The following SPOCK1 variants were observed in gnomAD, a reference collection of about 807,000 sequenced individuals.
SPOCK1 encodes the protein testican-1.
SPOCK1 carries 23 observed loss-of-function variants against 55.3 expected under a neutral mutation model. The ratio of observed to expected loss-of-function variants is 0.42; its 90% CI spans 0.30 to 0.59. SPOCK1 has a LOEUF of 0.59. Ranked by LOEUF, SPOCK1 falls within the 20% of genes least tolerant of loss-of-function variation. The pLI is 0.22. For synonymous variants in SPOCK1, 226 were observed against 221.0 expected (o/e 1.02, Z -0.20); for missense variants, 499 against 552.5 (o/e 0.90, Z 0.97).
Position 137,094,313 on chromosome 5 carries a change from C to G in SPOCK1, c.474+18122G>C, listed in dbSNP as rs138142726. ...ACTCAAAAGCTACTCTACATATGCA[C>G]CATGCTATTCCTATTCACCACTATT... On this transcript the variant is annotated intron_variant, in intron 5 of 10. Transcript: ENST00000394945. Among the ~76,000 whole-genome samples the G allele has an allele frequency of 7.6e-3, 1,159 of 152,256 alleles. 10 individuals carry two copies. Among genetic ancestry groups the G allele is most frequent in the Middle Eastern group, 0.034 (10 of 294 alleles).
At chr5:137,471,141 G>A (rs1424695731) in intron 2 of SPOCK1, among the ~76,000 whole-genome samples, 1 of 152,174 alleles carries the variant, frequency 6.6e-6, no homozygotes, top group Non-Finnish European at 1.5e-5. Flanking sequence ...ACTTAGCTCT[G>A]TCCAACTCTC....
chr5:137,436,469 T>A (rs930247514), intron 2 of SPOCK1, among the ~76,000 whole-genome samples: 1 of 152,188 alleles, frequency 6.6e-6, no homozygotes, highest in South Asian at 2.1e-4. Flanking sequence ...CTTACTGGCA[T>A]GTTCCTGCAA....
intron 3 of SPOCK1, among the ~76,000 whole-genome samples, chr5:137,168,589 C>T (rs1456299755): frequency 6.6e-6 from 1 of 152,022 alleles, no homozygotes; most frequent in African/African-American, 2.4e-5. Flanking sequence ...AAATGGCAAG[C>T]AGGTATATAA....
chr5:137,406,317 T>C (rs548048287), intron 2 of SPOCK1, among the ~76,000 whole-genome samples: 2 of 152,290 alleles, frequency 1.3e-5, no homozygotes, highest in South Asian at 4.1e-4. Context: ...ATTCTAGGAC[T>C]GAGGTGTGTA....
chr5:137,160,669 TATATA>T (rs899997260), intron 3 of SPOCK1, among the ~76,000 whole-genome samples: 8 of 113,244 alleles, frequency 7.1e-5, no homozygotes. Context: ...CAATATATAA[TATATA>T]ATATATGTTA....
At chr5:137,200,608 G>T (rs546788177) in intron 3 of SPOCK1, among the ~76,000 whole-genome samples, 1 of 152,164 alleles carries the variant, frequency 6.6e-6, no homozygotes, top group African/African-American at 2.4e-5. Context: ...GGAGTAAATG[G>T]ATGAATTTAC....
intron 3 of SPOCK1, among the ~76,000 whole-genome samples, chr5:137,266,743 T>C (rs547610524): frequency 6.8e-6 from 1 of 146,322 alleles, no homozygotes; most frequent in Non-Finnish European, 1.5e-5. Flanking sequence ...TAATCAAATT[T>C]CACTTTTTTT....
intron 2 of SPOCK1, among the ~76,000 whole-genome samples, chr5:137,463,676 G>T (rs189127454): frequency 4.1e-4 from 63 of 152,302 alleles, no homozygotes; most frequent in African/African-American, 1.4e-3. Context: ...GAGGCCGGGC[G>T]TGGTTGCTCA....
intron 5 of SPOCK1, among the ~76,000 whole-genome samples, chr5:137,102,062 A>C (rs1753278968): frequency 6.6e-6 from 1 of 152,184 alleles, no homozygotes; most frequent in East Asian, 1.9e-4. Context: ...AGGCTAACAT[A>C]GTTAATATTT....
chr5:137,379,990 T>C (rs950418031), intron 2 of SPOCK1, among the ~76,000 whole-genome samples: 21 of 152,228 alleles, frequency 1.4e-4, no homozygotes, highest in Admixed American at 5.2e-4. Flanking sequence ...GAGTAAGAAT[T>C]AGAATGTCAG....
At chr5:137,384,059 G>A (rs1375895946) in intron 2 of SPOCK1, among the ~76,000 whole-genome samples, 1 of 152,186 alleles carries the variant, frequency 6.6e-6, no homozygotes, top group East Asian at 1.9e-4. Flanking sequence ...ATTTTCCAAG[G>A]CTGCCCTCTG....
intron 3 of SPOCK1, among the ~76,000 whole-genome samples, chr5:137,197,079 C>G (rs1270330667): frequency 6.6e-5 from 10 of 152,204 alleles, no homozygotes; most frequent in Admixed American, 6.5e-4. Context: ...CTTGACAACA[C>G]GATCAGGATC....
At chr5:137,003,232 G>A (rs980761333) in intron 6 of SPOCK1, among the ~76,000 whole-genome samples, 3 of 151,976 alleles carry the variant, frequency 2.0e-5, no homozygotes, top group Non-Finnish European at 4.4e-5. Flanking sequence ...CGGTGAAACT[G>A]TCTCAAAATA....
At chr5:137,105,571 G>A (rs1030176133) in intron 5 of SPOCK1, among the ~76,000 whole-genome samples, 6 of 152,014 alleles carry the variant, frequency 3.9e-5, no homozygotes, top group Non-Finnish European at 5.9e-5. Context: ...AGGCAATGTC[G>A]GCCAATACAG....
At chr5:137,462,538 TCTC>T (rs1414189387) in intron 2 of SPOCK1, among the ~76,000 whole-genome samples, 2 of 152,184 alleles carry the variant, frequency 1.3e-5, no homozygotes, top group African/African-American at 4.8e-5. Flanking sequence ...CTCCGCCACT[TCTC>T]ATCTGTATGA....
chr5:137,420,066 G>A (rs1752451389), intron 2 of SPOCK1, among the ~76,000 whole-genome samples: 1 of 152,190 alleles, frequency 6.6e-6, no homozygotes, highest in African/African-American at 2.4e-5. Context: ...TATGGTTTTT[G>A]TTGTTGGTTC....
intron 3 of SPOCK1, among the ~76,000 whole-genome samples, chr5:137,154,089 A>T (rs188245645): frequency 5.9e-5 from 9 of 152,004 alleles, no homozygotes; most frequent in African/African-American, 2.2e-4. Flanking sequence ...GGAGTTCAAG[A>T]CCACCCTGAC....
At chr5:137,142,776 A>G (rs1343413339) in intron 3 of SPOCK1, among the ~76,000 whole-genome samples, 3 of 152,160 alleles carry the variant, frequency 2.0e-5, no homozygotes, top group Admixed American at 1.3e-4. Flanking sequence ...TCCTGGTCCT[A>G]AGTGGAACTC....
At chr5:137,161,912 G>C (rs1463040108) in intron 3 of SPOCK1, among the ~76,000 whole-genome samples, 3 of 152,118 alleles carry the variant, frequency 2.0e-5, no homozygotes, top group Admixed American at 6.6e-5. Context: ...TAAGATCTAA[G>C]AGTTGTCACT....
Sources: gnomAD v4.1 joint callset for allele counts (sites outside exome capture counted in the v4.1 genomes callset) on GRCh38, gnomAD v4.1.1 for gene constraint, MANE v1.5 for transcripts, NCBI Gene and HGNC (gene_info 2026-07-23, HGNC 2026-07-21) for gene names.